The following DGCR2 variants were observed in gnomAD, a reference collection of about 807,000 sequenced individuals.
DGCR2 encodes integral membrane protein DGCR2/IDD.
In DGCR2, 24 loss-of-function variants were observed where a neutral mutation model predicts 51.6. That is an observed-to-expected ratio of 0.47 (90% CI 0.34 to 0.65). The LOEUF (loss-of-function observed/expected upper bound fraction) is 0.65, where lower values mean the gene tolerates loss of function less well. Ranked by LOEUF, DGCR2 falls within the 30% of genes least tolerant of loss-of-function variation. The pLI, the probability that DGCR2 is intolerant of heterozygous loss-of-function variation, is 0.01. For missense variants in DGCR2, 765 were observed against 772.1 expected (o/e 0.99, Z 0.11); for synonymous variants, 340 against 315.4 (o/e 1.08, Z -0.82).
intron 4 of DGCR2, among the ~76,000 whole-genome samples, chr22:19,064,519 T>A (rs1010003347): frequency 6.6e-6 from 1 of 152,036 alleles, no homozygotes; most frequent in African/African-American, 2.4e-5. Context: ...CACCAAGCAG[T>A]TCTCCCCACA....
intron 2 of DGCR2, among the ~76,000 whole-genome samples, chr22:19,079,055 T>C (rs151310877): frequency 2.0e-5 from 3 of 152,282 alleles, no homozygotes; most frequent in Non-Finnish European, 2.9e-5. Flanking sequence ...TCTTGGCAGG[T>C]TGTATGTTTC....
chr22:19,046,379 C>T (rs919740469), intron 7 of DGCR2: 6 of 152,178 alleles, frequency 3.9e-5, no homozygotes, highest in Admixed American at 3.9e-4. Flanking sequence ...TATCTGGAGA[C>T]CTTGCTTAAA....
At chr22:19,084,840 G>A (rs550375278) in intron 2 of DGCR2, among the ~76,000 whole-genome samples, 142 of 149,654 alleles carry the variant, frequency 9.5e-4, no homozygotes, top group South Asian at 1.7e-3. Flanking sequence ...CAGCCGCCCC[G>A]TCCGGGAGGT....
chr22:19,070,113 C>T (rs1276545363), intron 2 of DGCR2, among the ~76,000 whole-genome samples: 1 of 152,140 alleles, frequency 6.6e-6, no homozygotes, highest in Non-Finnish European at 1.5e-5. Context: ...GGACTGGTCC[C>T]ATGTCCTAAG....
chr22:19,065,073 G>C lies in DGCR2; in HGVS notation c.329-6C>G, dbSNP rs1169696281. 3.1e-6 allele frequency: 5 copies of C among 1,612,856 alleles called. No individual in the cohort carries two copies. Among genetic ancestry groups the C allele is most frequent in the Non-Finnish European group, 4.2e-6 (5 of 1,179,560 alleles). On this transcript the variant is annotated splice_region_variant and splice_polypyrimidine_tract_variant and intron_variant, in intron 3 of 9. Transcript: ENST00000263196. ...CGGGCACTTCCCTAGGAAACATAAA[G>C]GACAGAAGGGGAGTTGTCCCCCAAG...
At chr22:19,106,983 C>T (rs1175338675) in intron 1 of DGCR2, among the ~76,000 whole-genome samples, 1 of 151,908 alleles carries the variant, frequency 6.6e-6, no homozygotes, top group African/African-American at 2.4e-5. Context: ...GGTGCAGAGC[C>T]AAGGATGTAC....
At chr22:19,043,737 C>G (rs1036569659) in intron 7 of DGCR2, among the ~76,000 whole-genome samples, 4 of 152,174 alleles carry the variant, frequency 2.6e-5, no homozygotes, top group Admixed American at 6.5e-5. Flanking sequence ...CACTTCACAA[C>G]CCCCGTGTGA....
intron 2 of DGCR2, 76 bp downstream of exon 2, chr22:19,089,292 C>A: frequency 1.4e-6 from 2 of 1,464,316 alleles, no homozygotes; most frequent in Non-Finnish European, 1.8e-6. Flanking sequence ...CACCTCCACC[C>A]CTCACAAGAG....
chr22:19,080,528 G>C (rs1267385654), intron 2 of DGCR2, among the ~76,000 whole-genome samples: 3 of 152,112 alleles, frequency 2.0e-5, no homozygotes, highest in African/African-American at 7.2e-5. Context: ...TACTACACTG[G>C]ACAGTGTTGG....
At chr22:19,095,443 T>C (rs5993523) in intron 1 of DGCR2, among the ~76,000 whole-genome samples, 62,630 of 151,868 alleles carry the variant, frequency 0.41, 13,356 homozygotes, top group African/African-American at 0.53. Context: ...AGGCAAATCA[T>C]GAAGTCAGGA....
intron 1 of DGCR2, among the ~76,000 whole-genome samples, chr22:19,114,628 C>T (rs2083354419): frequency 6.6e-6 from 1 of 152,214 alleles, no homozygotes; most frequent in South Asian, 2.1e-4. Flanking sequence ...GACCTAGTTT[C>T]AATGGAGCAT....
chr22:19,079,896 T>G (rs531930802), intron 2 of DGCR2, among the ~76,000 whole-genome samples: 1 of 152,254 alleles, frequency 6.6e-6, no homozygotes, highest in Non-Finnish European at 1.5e-5. Context: ...TGTTTTCTTC[T>G]AGATCTGGTC....
intron 1 of DGCR2, among the ~76,000 whole-genome samples, chr22:19,096,384 A>T (rs1328186227): frequency 6.6e-6 from 1 of 152,202 alleles, no homozygotes; most frequent in Non-Finnish European, 1.5e-5. Context: ...GTTAATAGGT[A>T]CAAAAACACA....
chr22:19,085,102 T>G (rs1269648866), intron 2 of DGCR2, among the ~76,000 whole-genome samples: 1 of 124,550 alleles, frequency 8.0e-6, no homozygotes, highest in Non-Finnish European at 1.7e-5. Flanking sequence ...TTCTCCTGCC[T>G]TGGAAAAAAA....
intron 5 of DGCR2, 106 bp downstream of exon 5, chr22:19,063,096 G>C (rs1445185240): frequency 2.8e-6 from 3 of 1,059,014 alleles, no homozygotes; most frequent in South Asian, 1.4e-5. Context: ...TCCCTGCACA[G>C]CACCCCTACG....
In DGCR2 at chr22:19,063,086, T is replaced by TCCTTGTC. The variant is rs111427599; in HGVS notation, c.625+115_625+116insGACAAGG. On this transcript the variant is annotated intron_variant, in intron 5 of 9. Coordinates refer to ENST00000263196, the MANE Select transcript of DGCR2 (RefSeq NM_005137.3). ...CTCCCTGCAACTGGGGCTCACCCAC[T>TCCTTGTC]CCCTGCACAGCACCCCTACGGGCCA... is the stretch of plus-strand genomic sequence containing the variant. 4 of 934,696 alleles carry TCCTTGTC rather than the reference T, an allele frequency of 4.3e-6. No individual in the cohort carries two copies. In the South Asian group the frequency reaches 6.1e-5, roughly 14 times the overall value. The allele number at this position is 934,696 out of a possible 1,614,324, so 57.9% of individuals were successfully genotyped here.
intron 2 of DGCR2, among the ~76,000 whole-genome samples, chr22:19,086,790 C>T (rs959291495): frequency 8.5e-5 from 13 of 152,294 alleles, no homozygotes; most frequent in Non-Finnish European, 5.9e-5. Context: ...CAAGCCAATA[C>T]TCAAGTGCAA....
rs191251230 is a variant in DGCR2, at chr22:19,041,617, G to A, written c.1159+190C>T. Reference sequence around the variant, plus strand: ...GGCCTCCGAGTTCTGCCCACCCTGTGGCTCAATGGGAATAAGGAGGGTCTT... The same window carrying A: ...GGCCTCCGAGTTCTGCCCACCCTGTAGCTCAATGGGAATAAGGAGGGTCTT... On this transcript the variant is annotated intron_variant, in intron 8 of 9. Coordinates refer to ENST00000263196, the MANE Select transcript of DGCR2 (RefSeq NM_005137.3). 4 of 687,400 alleles carry A rather than the reference G, an allele frequency of 5.8e-6. No homozygotes were observed. The East Asian group carries it at 1.1e-4, about 19-fold the overall frequency. 42.6% of individuals were successfully genotyped at this position (687,400 alleles called of 1,614,324 possible).
rs746952262 is a variant in DGCR2, at chr22:19,039,019, G to A, written c.1499C>T (p.Ala500Val). ...LRRLEQPLPT[A>V]GASLADLEDS... ...TTCCAGGTCTGCCAGAGAGGCCCCC[G>A]CAGTGGGCAGAGGCTGCTCCAGGCG... The change falls in exon 10 of 10, where the codon GCG becomes GTG. Residue 500 changes from alanine to valine, a missense_variant. Around this residue, in one of 3 missense-constraint regions of DGCR2, gnomAD observed 205 missense variants for 181.4 expected, o/e 1.13. Coordinates refer to ENST00000263196, the MANE Select transcript of DGCR2 (RefSeq NM_005137.3). 83 of 1,612,598 alleles carry A rather than the reference G, an allele frequency of 5.1e-5. No homozygotes were observed. The highest frequency in any genetic ancestry group is 6.0e-5 in the Non-Finnish European group (71 of 1,179,766).
Sources: gnomAD v4.1 joint callset for allele counts (sites outside exome capture counted in the v4.1 genomes callset) on GRCh38, gnomAD v4.1.1 for gene constraint, gnomAD v4.1.1 regional missense constraint, MANE v1.5 for transcripts, NCBI Gene and HGNC (gene_info 2026-07-23, HGNC 2026-07-21) for gene names.